The following PCDHA3 variants were observed in gnomAD, a reference collection of about 807,000 sequenced individuals.
The protein encoded by PCDHA3 is protocadherin alpha-3.
A neutral mutation model predicts 62.2 loss-of-function variants in PCDHA3; 41 were observed. That is an observed-to-expected ratio of 0.66 (90% CI 0.51 to 0.86). The LOEUF is 0.86. PCDHA3 is among the 40% of genes least tolerant of loss of function. PCDHA3 has a pLI of 0.00. For missense variants in PCDHA3, 1,304 were observed against 1,241.2 expected (o/e 1.05, Z -0.76); for synonymous variants, 640 against 555.4 (o/e 1.15, Z -2.14).
intron 1 of PCDHA3, chr5:140,843,656 G>C (rs1294872443): frequency 1.9e-6 from 3 of 1,594,636 alleles, no homozygotes; most frequent in Non-Finnish European, 2.6e-6. Context: ...CCTTCCTCCT[G>C]ATCTGGGATC....
At chr5:140,982,097 C>A (rs1313290841) in intron 2 of PCDHA3, among the ~76,000 whole-genome samples, 1 of 152,194 alleles carries the variant, frequency 6.6e-6, no homozygotes, top group Non-Finnish European at 1.5e-5. Flanking sequence ...AACAAGAGAA[C>A]CTGCAAGAGA....
At chr5:140,866,115 A>G (rs537982409) in intron 1 of PCDHA3, 85 of 152,328 alleles carry the variant, frequency 5.6e-4, no homozygotes, top group African/African-American at 1.9e-3. Flanking sequence ...GAGTTGCCTT[A>G]TAAGAACTAC....
chr5:140,916,561 G>A (rs1038683507), intron 1 of PCDHA3, among the ~76,000 whole-genome samples: 9 of 152,180 alleles, frequency 5.9e-5, no homozygotes, highest in African/African-American at 2.2e-4. Context: ...TTTGTCCAGG[G>A]TGTGTCTAGA....
intron 1 of PCDHA3, chr5:140,855,934 G>A (rs1581379026): frequency 1.5e-6 from 2 of 1,294,846 alleles, no homozygotes; most frequent in South Asian, 1.5e-5. Flanking sequence ...GCGTCATTCT[G>A]AGATCTCAGC....
chr5:140,923,189 C>A (rs1452451112), intron 1 of PCDHA3, among the ~76,000 whole-genome samples: 1 of 152,210 alleles, frequency 6.6e-6, no homozygotes, highest in African/African-American at 2.4e-5. Flanking sequence ...GCATCTACTG[C>A]AGCAATTTGG....
intron 1 of PCDHA3, chr5:140,821,592 C>G: frequency 1.5e-6 from 1 of 669,672 alleles, no homozygotes; most frequent in Non-Finnish European, 2.4e-6. Flanking sequence ...CCCTTCCCAG[C>G]CTCAAAGGAA....
chr5:140,934,704 T>C (rs185443398), intron 1 of PCDHA3, among the ~76,000 whole-genome samples: 134 of 152,288 alleles, frequency 8.8e-4, no homozygotes, highest in Non-Finnish European at 1.6e-3. Context: ...TTCCTGGCCA[T>C]CTTACAAAAA....
chr5:140,835,741 C>T lies in PCDHA3; in HGVS notation c.2394+32150C>T, dbSNP rs2150243716. ...GTGGCCGACGTGAACGACAACGCCC[C>T]GGCGTTCGCGCAGCCCGAGTATACG... is the stretch of plus-strand genomic sequence containing the variant. On this transcript the variant is annotated intron_variant, in intron 1 of 3. Coordinates refer to ENST00000522353, the MANE Select transcript of PCDHA3 (RefSeq NM_018906.3). 4.3e-6 allele frequency: 7 copies of T among 1,613,704 alleles called. No homozygotes were observed. In the East Asian group the frequency reaches 6.7e-5, roughly 15 times the overall value.
chr5:140,847,399 C>T lies in PCDHA3; in HGVS notation c.2394+43808C>T, dbSNP rs114287755. On this transcript the variant is annotated intron_variant, in intron 1 of 3. Coordinates refer to ENST00000522353, the MANE Select transcript of PCDHA3 (RefSeq NM_018906.3). Reference sequence around the variant, plus strand: ...TAAATATGCAAAAACATTAATGGCACAATAAACACTCACGGTTTTGCCTTT... The same window carrying T: ...TAAATATGCAAAAACATTAATGGCATAATAAACACTCACGGTTTTGCCTTT... 2.4e-3 allele frequency: 361 copies of T among 149,562 alleles called. 12 individuals are homozygous for T. Among genetic ancestry groups the T allele is most frequent in the African/African-American group, 8.0e-3 (327 of 40,902 alleles). 9.3% of individuals were successfully genotyped at this position (149,562 alleles called of 1,614,324 possible).
chr5:140,873,318 G>A (rs1164778902), intron 1 of PCDHA3, among the ~76,000 whole-genome samples: 1 of 152,168 alleles, frequency 6.6e-6, no homozygotes, highest in Non-Finnish European at 1.5e-5. Context: ...GTGAATATTA[G>A]ATAGGGCATA....
At chr5:140,882,344 A>T in intron 1 of PCDHA3, 2 of 1,614,084 alleles carry the variant, frequency 1.2e-6, no homozygotes, top group Admixed American at 3.3e-5. Flanking sequence ...AGCCTGGGAG[A>T]CGGGTAGTGG....
intron 1 of PCDHA3, chr5:140,866,995 A>G (rs1294829153): frequency 1.3e-5 from 2 of 152,138 alleles, no homozygotes; most frequent in Non-Finnish European, 2.9e-5. Flanking sequence ...AATGCAAAAG[A>G]TGGGTCATTG....
chr5:140,857,763 C>T (rs782102895), intron 1 of PCDHA3: 4 of 1,597,078 alleles, frequency 2.5e-6, no homozygotes, highest in East Asian at 2.2e-5. Context: ...GCTGGCAGCG[C>T]GGGCGGTGCA....
At chr5:140,853,068 A>G (rs2042618131) in intron 1 of PCDHA3, 1 of 280,152 alleles carries the variant, frequency 3.6e-6, no homozygotes, top group Non-Finnish European at 5.5e-6. Context: ...TTTAGTAGAG[A>G]TGGGGTTTCA....
chr5:140,823,804 G>T lies in PCDHA3; in HGVS notation c.2394+20213G>T, dbSNP rs2150129260. The stretch of plus-strand genomic sequence containing the variant: ...GGTGGAAAGTGGCCAGGCGCCGAAG[G>T]CCTCATCGCGGGCGTCGGCGGGCGC... On this transcript the variant is annotated intron_variant, in intron 1 of 3. Transcript: ENST00000522353. 5 of 1,613,812 alleles carry T rather than the reference G, an allele frequency of 3.1e-6. No individual in the cohort carries two copies. In the Admixed American group the frequency reaches 5.0e-5, roughly 16 times the overall value.
intron 1 of PCDHA3, chr5:140,812,147 T>TTGTTGTTGTTG (rs1765043043): frequency 6.6e-6 from 1 of 150,790 alleles, no homozygotes; most frequent in Admixed American, 6.6e-5. Flanking sequence ...GTTTTGGGCT[T>TTGTTGTTGTTG]TTGTTGTTGT....
chr5:141,003,638 G>C (rs2098132492), intron 3 of PCDHA3, among the ~76,000 whole-genome samples: 1 of 152,118 alleles, frequency 6.6e-6, no homozygotes, highest in Admixed American at 6.6e-5. Flanking sequence ...TAAAGTAGAA[G>C]TGAAGATCTG....
intron 1 of PCDHA3, chr5:140,822,188 G>C (rs2150114452): frequency 2.5e-6 from 4 of 1,614,232 alleles, no homozygotes; most frequent in Non-Finnish European, 2.5e-6. Flanking sequence ...CAAGAACAAA[G>C]ATTATTCATT....
At chr5:140,805,379 T>A in intron 1 of PCDHA3, 1 of 1,119,160 alleles carries the variant, frequency 8.9e-7, no homozygotes, top group Non-Finnish European at 1.1e-6. Context: ...ATAGTGAAAG[T>A]ACTCTGGTTT....
Sources: allele counts gnomAD v4.1 joint callset (sites outside exome capture counted in the v4.1 genomes callset), GRCh38; gene constraint gnomAD v4.1.1; transcripts MANE v1.5; gene names NCBI Gene and HGNC (gene_info 2026-07-23, HGNC 2026-07-21).